Variants in METTL22 observed in about 807,000 individuals in gnomAD.
METTL22 encodes methyltransferase-like protein 22.
In METTL22, 51 loss-of-function variants were observed where a neutral mutation model predicts 48.4. The ratio of observed to expected loss-of-function variants is 1.05; its 90% confidence interval spans 0.84 to 1.33. The LOEUF is 1.33. Ranked by LOEUF, METTL22 falls within the 40% of genes most tolerant of loss-of-function variation. METTL22 has a pLI of 0.00. For missense variants in METTL22, 678 were observed against 526.9 expected, an observed-to-expected ratio of 1.29 and a Z score of -2.81; for synonymous variants, 255 against 214.1, an observed-to-expected ratio of 1.19 and a Z score of -1.67.
the METTL22 span, among the ~76,000 whole-genome samples, chr16:8,658,174 C>T: frequency 6.6e-6 from 1 of 152,134 alleles, no homozygotes; most frequent in Non-Finnish European, 1.5e-5. Context: ...TGAAGATGGC[C>T]TATGAAGGCA....
At chr16:8,650,006 T>C (rs2056870860), downstream of METTL22, among the ~76,000 whole-genome samples, 1 of 152,020 alleles carries the variant, frequency 6.6e-6, no homozygotes, top group African/African-American at 2.4e-5. Context: ...AGGAGTGAAG[T>C]TGCAACATGT....
At chr16:8,664,522 C>T in the METTL22 span, among the ~76,000 whole-genome samples, 14 of 152,142 alleles carry the variant, frequency 9.2e-5, no homozygotes, top group South Asian at 2.1e-4. Context: ...GATGCTATCA[C>T]GGCTCACTAC....
rs1421791158 is a variant in METTL22 at position 8,628,735 on chromosome 16, C to G, written c.139C>G (p.Leu47Val). The change falls in exon 3 of 11, where the codon CTG becomes GTG. Residue 47 changes from leucine (L) to valine (V), a missense_variant. By Grantham distance (32) the Leu-to-Val change is conservative. Coordinates refer to ENST00000381920, the MANE Select transcript of METTL22 (RefSeq NM_024109.4). ...CGTTCTGTCTTGCCTTTCAGTTTTCCTGTCCCAATTCAAGCTTCTATGGAG... is the reference window on the plus strand; with the variant it reads ...CGTTCTGTCTTGCCTTTCAGTTTTCGTGTCCCAATTCAAGCTTCTATGGAG... ...RLNSVGQPVF[L>V]SQFKLLWSQD... 1 of 1,601,824 alleles carries G rather than the reference C, an allele frequency of 6.2e-7. No homozygotes were observed.
chr16:8,635,266 C>T lies in METTL22; in HGVS notation c.654C>T (p.Leu218=), dbSNP rs1186188624. The T allele has an allele frequency of 3.1e-6, 5 of 1,605,776 alleles. No individual in the cohort carries two copies. In the Admixed American group the frequency reaches 6.7e-5, roughly 22 times the overall value. The change falls in exon 5 of 11, where the codon CTC becomes CTT. Residue 218 remains leucine, a synonymous_variant. Transcript: ENST00000381920. The part of the protein sequence containing the change: ...TALELGAGTG[L]ASIIAATMAR... The stretch of plus-strand genomic sequence containing the variant: ...TGGAGCTCGGGGCCGGCACGGGGCT[C>T]GCTAGCATCATCGCAGCCACCATGG...
the METTL22 span, among the ~76,000 whole-genome samples, chr16:8,658,258 T>A: frequency 1.3e-5 from 2 of 152,166 alleles, no homozygotes; most frequent in Non-Finnish European, 2.9e-5. Context: ...GGAAGAACCC[T>A]CCCCTTGAGC....
intron 6 of METTL22, 174 bp downstream of exon 6, chr16:8,639,336 C>G: frequency 3.2e-6 from 2 of 628,170 alleles, no homozygotes; most frequent in Non-Finnish European, 5.7e-6. Flanking sequence ...ATTGAGGACG[C>G]TCCTTGGGTC....
intron 2 of METTL22, among the ~76,000 whole-genome samples, chr16:8,627,989 T>C (rs2141698687): frequency 6.6e-6 from 1 of 152,278 alleles, no homozygotes; most frequent in South Asian, 2.1e-4. Context: ...CTTCCTGTCT[T>C]GGCCTCCCAA....
the METTL22 span, among the ~76,000 whole-genome samples, chr16:8,663,190 G>T: frequency 2.7e-5 from 3 of 111,734 alleles, no homozygotes; most frequent in Admixed American, 1.2e-4. Flanking sequence ...TGGGTGACAA[G>T]AGCAAAACTC....
chr16:8,639,038 G>A, intron 5 of METTL22, 53 bp from the exon 6 acceptor site: 1 of 1,579,344 alleles, frequency 6.3e-7, no homozygotes, highest in Non-Finnish European at 8.7e-7. Flanking sequence ...AAAACATGGA[G>A]ATAAAAGTGT....
At chr16:8,634,273 C>G (rs1319678028) in intron 3 of METTL22, among the ~76,000 whole-genome samples, 2 of 152,196 alleles carry the variant, frequency 1.3e-5, no homozygotes, top group African/African-American at 2.4e-5. Context: ...CGGGGACAGA[C>G]AGAGCGATTG....
chr16:8,655,541 C>G, the METTL22 span, among the ~76,000 whole-genome samples: 1 of 152,194 alleles, frequency 6.6e-6, no homozygotes, highest in Non-Finnish European at 1.5e-5. Context: ...TTGTCACATT[C>G]AGTTCTTCAG....
Position 8,639,310 on chromosome 16 carries a change from C to T in METTL22, c.772+148C>T, listed in dbSNP as rs189996537. 4.7e-5 allele frequency: 34 copies of T among 716,982 alleles called. No individual in the cohort carries two copies. The East Asian group carries it at 7.9e-4, about 17-fold the overall frequency. 44.4% of individuals were successfully genotyped at this position (716,982 alleles called of 1,614,324 possible). The stretch of plus-strand genomic sequence containing the variant: ...AGGGGAGCAGGCGTCGTCTGGGCAT[C>T]ACAGAGCTTCAGAGCATTGAGGACG... On this transcript the variant is annotated intron_variant, in intron 6 of 10. Transcript: ENST00000381920.
the METTL22 span, among the ~76,000 whole-genome samples, chr16:8,661,539 C>A: frequency 2.2e-5 from 3 of 136,086 alleles, 1 homozygote; most frequent in Non-Finnish European, 4.7e-5. Flanking sequence ...CCAGCTACTG[C>A]GGAGGCTGAG....
intron 1 of METTL22, chr16:8,624,220 G>C (rs2055961571): frequency 6.6e-6 from 1 of 152,168 alleles, no homozygotes. Context: ...GTTGGAGGGA[G>C]GTCCCACCTG....
intron 10 of METTL22, 109 bp from the exon 11 acceptor site, chr16:8,645,999 G>C: frequency 6.5e-7 from 1 of 1,534,908 alleles, no homozygotes; most frequent in Admixed American, 2.0e-5. Flanking sequence ...CTGCTCCGTG[G>C]CTGACGTGTT....
At chr16:8,635,556 G>A (rs2056399369) in intron 5 of METTL22, among the ~76,000 whole-genome samples, 2 of 152,196 alleles carry the variant, frequency 1.3e-5, no homozygotes, top group African/African-American at 4.8e-5. Flanking sequence ...TTCAGGAGGT[G>A]CCTAGCGCCC....
chr16:8,635,985 AG>A (rs894065894), intron 5 of METTL22, among the ~76,000 whole-genome samples: 1 of 152,224 alleles, frequency 6.6e-6, no homozygotes, highest in Admixed American at 6.5e-5. Context: ...GTATATATTT[AG>A]GGGGTACAAG....
the METTL22 span, among the ~76,000 whole-genome samples, chr16:8,656,406 G>A: frequency 3.3e-5 from 5 of 152,138 alleles, no homozygotes; most frequent in East Asian, 1.9e-4. Context: ...ACAGACCTGC[G>A]TGAGTAGACC....
At chr16:8,660,737 G>A in the METTL22 span, among the ~76,000 whole-genome samples, 2 of 149,056 alleles carry the variant, frequency 1.3e-5, no homozygotes, top group South Asian at 2.2e-4. Flanking sequence ...GAGGGCGGTC[G>A]CTGCTTCAGG....
Sources: gnomAD v4.1 joint callset for allele counts (sites outside exome capture counted in the v4.1 genomes callset) on GRCh38, gnomAD v4.1.1 for gene constraint, MANE v1.5 for transcripts, NCBI Gene and HGNC (gene_info 2026-07-23, HGNC 2026-07-21) for gene names.